The following FAM110B variants were observed in gnomAD, a reference collection of about 807,000 sequenced individuals.
FAM110B encodes the protein protein FAM110B.
A neutral mutation model predicts 20.4 loss-of-function variants in FAM110B; 6 were observed. That is an observed-to-expected ratio of 0.29 (90% CI 0.16 to 0.58). The LOEUF (loss-of-function observed/expected upper bound fraction) is 0.58, where lower values mean the gene tolerates loss of function less well. FAM110B is among the 20% of genes least tolerant of loss of function. The pLI is 0.90. For missense variants in FAM110B, 434 were observed against 498.2 expected (o/e 0.87, Z 1.23); for synonymous variants, 226 against 214.1 (o/e 1.06, Z -0.49).
chr8:58,133,208 T>G (rs1295080531), intron 3 of FAM110B, among the ~76,000 whole-genome samples: 3 of 151,890 alleles, frequency 2.0e-5, no homozygotes, highest in Non-Finnish European at 2.9e-5. Flanking sequence ...CGATTTTGTT[T>G]TTTTTTTTTT....
intron 3 of FAM110B, among the ~76,000 whole-genome samples, chr8:58,080,180 C>A (rs1585868286): frequency 6.6e-6 from 1 of 152,248 alleles, no homozygotes; most frequent in South Asian, 2.1e-4. Flanking sequence ...TATCAAACCT[C>A]TATCCAGCCC....
rs1585926618 is a variant in FAM110B, at chr8:58,147,521, C to T, written c.*178C>T. The T allele has an allele frequency of 5.3e-6, 4 of 754,142 alleles. No homozygotes were observed. The East Asian group carries it at 8.2e-5, about 15-fold the overall frequency. The allele number at this position is 754,142 out of a possible 1,614,324, so 46.7% of individuals were successfully genotyped here. A position where few individuals can be genotyped will look rare whatever the true frequency, so the allele number is the denominator to read the frequency against. ...CCTGGCTTCCACGTCACCATCGCTA[C>T]AGAGCCTGGCTGAACACGCGTCATC... On this transcript the variant is annotated 3_prime_UTR_variant, in exon 4 of 4. Coordinates refer to ENST00000519262, the MANE Select transcript of FAM110B (RefSeq NM_001377989.1).
intron 1 of FAM110B, among the ~76,000 whole-genome samples, chr8:58,014,710 T>C (rs1037896395): frequency 5.9e-5 from 9 of 152,242 alleles, no homozygotes; most frequent in Non-Finnish European, 1.0e-4. Context: ...GCATTTTTCT[T>C]TAATCTGTGT....
intron 3 of FAM110B, among the ~76,000 whole-genome samples, chr8:58,083,964 A>C (rs889213318): frequency 2.0e-5 from 3 of 152,228 alleles, no homozygotes. Flanking sequence ...CTCTGGGTAC[A>C]TAGGAGAGTA....
intron 3 of FAM110B, among the ~76,000 whole-genome samples, chr8:58,093,401 T>C (rs976819150): frequency 6.6e-6 from 1 of 152,210 alleles, no homozygotes; most frequent in African/African-American, 2.4e-5. Flanking sequence ...TTTAAGTCTT[T>C]AATCCATCTT....
intron 2 of FAM110B, among the ~76,000 whole-genome samples, chr8:58,059,926 G>T (rs28760587): frequency 0.051 from 7,803 of 152,048 alleles, 672 homozygotes; most frequent in African/African-American, 0.18. Context: ...TGTGAGGTAA[G>T]GGTCAGCGTT....
At chr8:58,084,083 C>T (rs749887592) in intron 3 of FAM110B, among the ~76,000 whole-genome samples, 11 of 152,106 alleles carry the variant, frequency 7.2e-5, no homozygotes, top group Non-Finnish European at 1.6e-4. Flanking sequence ...AGTGGTCTGT[C>T]CTGTGTATCT....
chr8:58,018,809 A>AATAGATAGATAG (rs59685703), intron 1 of FAM110B, among the ~76,000 whole-genome samples: 377 of 148,048 alleles, frequency 2.5e-3, no homozygotes, highest in Middle Eastern at 6.8e-3. Context: ...TAGGGATTAC[A>AATAGATAGATAG]ATAGATAGAT....
At chr8:58,008,786 G>A (rs558795764) in intron 1 of FAM110B, among the ~76,000 whole-genome samples, 1 of 152,306 alleles carries the variant, frequency 6.6e-6, no homozygotes, top group East Asian at 1.9e-4. Context: ...AGTGGGAGAG[G>A]CCTCCACACT....
At chr8:58,115,799 T>C (rs1737859232) in intron 3 of FAM110B, among the ~76,000 whole-genome samples, 2 of 152,184 alleles carry the variant, frequency 1.3e-5, no homozygotes, top group Admixed American at 6.5e-5. Flanking sequence ...TTGAGAAATG[T>C]ATTATGCTGA....
intron 2 of FAM110B, among the ~76,000 whole-genome samples, chr8:58,073,488 C>T (rs1805954123): frequency 6.6e-6 from 1 of 152,160 alleles, no homozygotes; most frequent in African/African-American, 2.4e-5. Flanking sequence ...TATTGACTTC[C>T]ATACATGTAA....
At chr8:58,057,863 A>G (rs969504750) in intron 2 of FAM110B, among the ~76,000 whole-genome samples, 2 of 152,240 alleles carry the variant, frequency 1.3e-5, no homozygotes, top group African/African-American at 4.8e-5. Context: ...AAGGTTAGCT[A>G]TTCCTCGGCT....
chr8:58,070,776 A>G (rs1164287737), intron 2 of FAM110B, among the ~76,000 whole-genome samples: 1 of 152,122 alleles, frequency 6.6e-6, no homozygotes, highest in Non-Finnish European at 1.5e-5. Context: ...AGTGAAACAC[A>G]CTCTAATTAG....
At chr8:58,024,195 C>A (rs1804810011) in intron 1 of FAM110B, among the ~76,000 whole-genome samples, 1 of 124,972 alleles carries the variant, frequency 8.0e-6, no homozygotes, top group Non-Finnish European at 1.6e-5. Context: ...TTTGTAAAAC[C>A]CAGAGAAATA....
chr8:58,136,011 T>C (rs1293189505), intron 3 of FAM110B, among the ~76,000 whole-genome samples: 1 of 146,380 alleles, frequency 6.8e-6, no homozygotes, highest in Non-Finnish European at 1.5e-5. Context: ...TCCTTTTTTT[T>C]TTTTTTTTTT....
intron 3 of FAM110B, among the ~76,000 whole-genome samples, chr8:58,112,341 A>G (rs1192118659): frequency 1.3e-5 from 2 of 152,226 alleles, no homozygotes; most frequent in African/African-American, 2.4e-5. Flanking sequence ...AAAAATAAAA[A>G]TAAACATAAA....
chr8:58,068,219 T>C (rs1805813972), intron 2 of FAM110B, among the ~76,000 whole-genome samples: 1 of 152,240 alleles, frequency 6.6e-6, no homozygotes, highest in Admixed American at 6.5e-5. Context: ...TTGGAGTTTT[T>C]ACCTCCTGGT....
At chr8:58,100,139 C>G (rs546821897) in intron 3 of FAM110B, among the ~76,000 whole-genome samples, 11 of 152,074 alleles carry the variant, frequency 7.2e-5, no homozygotes, top group African/African-American at 2.4e-4. Context: ...AGACTGTAAA[C>G]TCTGGTCTCC....
chr8:58,080,040 A>G (rs1034853835), intron 3 of FAM110B, among the ~76,000 whole-genome samples: 2 of 152,212 alleles, frequency 1.3e-5, no homozygotes, highest in African/African-American at 4.8e-5. Flanking sequence ...TCAGAGAAGC[A>G]TTAGAATCTT....
Sources: gnomAD v4.1 joint callset for allele counts (sites outside exome capture counted in the v4.1 genomes callset) on GRCh38, gnomAD v4.1.1 for gene constraint, MANE v1.5 for transcripts, NCBI Gene and HGNC (gene_info 2026-07-23, HGNC 2026-07-21) for gene names.